The following NKAIN3 variants were observed in gnomAD, a reference collection of about 807,000 sequenced individuals.
NKAIN3 encodes the protein sodium/potassium transporting ATPase interacting 3.
NKAIN3 carries 25 observed loss-of-function variants against 30.2 expected under a neutral mutation model. The ratio of observed to expected loss-of-function variants is 0.83; its 90% confidence interval spans 0.60 to 1.16. NKAIN3 has a LOEUF of 1.16. NKAIN3 is among the 50% of genes most tolerant of loss of function. The pLI is 0.00. For missense variants in NKAIN3, 225 were observed against 254.1 expected (o/e 0.89, Z 0.78); for synonymous variants, 91 against 89.6 (o/e 1.02, Z -0.09).
In NKAIN3 at chr8:62,274,816, A is replaced by C. The variant is rs543719019; in HGVS notation, c.54+25689A>C. Among the ~76,000 whole-genome samples, 760 of 150,432 alleles carry C rather than the reference A, an allele frequency of 5.1e-3. 5 individuals are homozygous for C. Among genetic ancestry groups the C allele is most frequent in the African/African-American group, 0.018 (718 of 40,778 alleles). ...TGTGTCCATGTGTTCTCATTGTTCA[A>C]TTCCCACCTATGAGTGAGAACATGC... On this transcript the variant is annotated intron_variant, in intron 1 of 6. Transcript: ENST00000623646.
At chr8:62,951,739 A>G (rs931754199) in intron 5 of NKAIN3, among the ~76,000 whole-genome samples, 1 of 152,182 alleles carries the variant, frequency 6.6e-6, no homozygotes, top group Non-Finnish European at 1.5e-5. Flanking sequence ...CTGGAATTAC[A>G]GGCATAAGCC....
intron 4 of NKAIN3, among the ~76,000 whole-genome samples, chr8:62,801,784 G>C (rs1563568430): frequency 6.6e-6 from 1 of 152,242 alleles, no homozygotes; most frequent in Non-Finnish European, 1.5e-5. Flanking sequence ...ACTTTGACGA[G>C]TTGAGAGAAG....
At chr8:62,466,787 A>C (rs1270206607) in intron 1 of NKAIN3, among the ~76,000 whole-genome samples, 1 of 152,156 alleles carries the variant, frequency 6.6e-6, no homozygotes, top group Non-Finnish European at 1.5e-5. Context: ...CTTCTTTTGC[A>C]ATCCATAGTT....
chr8:62,996,833 T>C (rs960889012), intron 5 of NKAIN3, among the ~76,000 whole-genome samples: 1 of 152,198 alleles, frequency 6.6e-6, no homozygotes, highest in African/African-American at 2.4e-5. Context: ...ACACCCACGG[T>C]ACGCTGATGC....
intron 1 of NKAIN3, among the ~76,000 whole-genome samples, chr8:62,456,454 G>A (rs1805822231): frequency 6.6e-6 from 1 of 151,962 alleles, no homozygotes; most frequent in Admixed American, 6.5e-5. Flanking sequence ...GTGAGGCAGA[G>A]CTTGTAGTGA....
chr8:62,674,735 G>A (rs1813418621), intron 3 of NKAIN3, among the ~76,000 whole-genome samples: 1 of 152,208 alleles, frequency 6.6e-6, no homozygotes, highest in Non-Finnish European at 1.5e-5. Flanking sequence ...TGTAAATGGG[G>A]AGTGAGCTCA....
chr8:62,253,161 G>A (rs1403511824), intron 1 of NKAIN3, among the ~76,000 whole-genome samples: 1 of 152,106 alleles, frequency 6.6e-6, no homozygotes, highest in African/African-American at 2.4e-5. Flanking sequence ...ATTACTATTA[G>A]ACCTAGGAAT....
intron 4 of NKAIN3, among the ~76,000 whole-genome samples, chr8:62,904,233 A>G (rs962475665): frequency 6.6e-6 from 1 of 152,190 alleles, no homozygotes; most frequent in Non-Finnish European, 1.5e-5. Context: ...CTGCTGTATC[A>G]GTTCAACAGG....
intron 3 of NKAIN3, among the ~76,000 whole-genome samples, chr8:62,696,163 G>A (rs544259131): frequency 2.0e-4 from 30 of 151,980 alleles, no homozygotes; most frequent in African/African-American, 5.8e-4. Context: ...CTGTATTTTC[G>A]TGTCTGAAGT....
chr8:62,807,251 G>C (rs935662125), intron 4 of NKAIN3, among the ~76,000 whole-genome samples: 2 of 152,138 alleles, frequency 1.3e-5, no homozygotes, highest in African/African-American at 4.8e-5. Context: ...TTTCAGGTAT[G>C]TTTTAATAAA....
intron 1 of NKAIN3, among the ~76,000 whole-genome samples, chr8:62,317,974 C>G (rs1814707817): frequency 6.6e-6 from 1 of 152,082 alleles, no homozygotes; most frequent in South Asian, 2.1e-4. Context: ...TTGTAGTTCT[C>G]CTTGAAGAGG....
At chr8:62,415,989 C>T (rs887319557) in intron 1 of NKAIN3, among the ~76,000 whole-genome samples, 1 of 152,066 alleles carries the variant, frequency 6.6e-6, no homozygotes, top group African/African-American at 2.4e-5. Flanking sequence ...ATCTCCTGAC[C>T]TCGTGATCCT....
intron 3 of NKAIN3, among the ~76,000 whole-genome samples, chr8:62,694,982 A>G (rs1183101407): frequency 1.3e-5 from 2 of 152,102 alleles, no homozygotes; most frequent in Admixed American, 1.3e-4. Flanking sequence ...CTCTGTAAAT[A>G]TTGTTCTTTC....
At chr8:62,300,087 G>A (rs1012758962) in intron 1 of NKAIN3, among the ~76,000 whole-genome samples, 1 of 151,980 alleles carries the variant, frequency 6.6e-6, no homozygotes, top group Non-Finnish European at 1.5e-5. Context: ...GTAACAGATC[G>A]ATACTGTTAA....
intron 4 of NKAIN3, among the ~76,000 whole-genome samples, chr8:62,796,618 A>G (rs1817869847): frequency 6.6e-6 from 1 of 152,120 alleles, no homozygotes; most frequent in Non-Finnish European, 1.5e-5. Context: ...TTTTCTCATA[A>G]CAACACTTAA....
intron 4 of NKAIN3, among the ~76,000 whole-genome samples, chr8:62,783,360 T>C (rs12708012): frequency 0.89 from 134,605 of 152,090 alleles, 59,704 homozygotes; most frequent in African/African-American, 0.91. Context: ...TGGAAGAAGA[T>C]CCTCAGCAGA....
At chr8:62,293,829 C>G (rs1049827630) in intron 1 of NKAIN3, among the ~76,000 whole-genome samples, 3 of 152,200 alleles carry the variant, frequency 2.0e-5, no homozygotes, top group Non-Finnish European at 2.9e-5. Context: ...TGCCCTGCCC[C>G]CAGAGGTGGA....
intron 1 of NKAIN3, among the ~76,000 whole-genome samples, chr8:62,413,822 T>C (rs1329296027): frequency 3.3e-5 from 5 of 152,188 alleles, no homozygotes; most frequent in African/African-American, 9.6e-5. Flanking sequence ...ATATAACTTA[T>C]GATTTATTGA....
intron 1 of NKAIN3, among the ~76,000 whole-genome samples, chr8:62,570,759 A>G (rs1298989576): frequency 1.3e-5 from 2 of 152,068 alleles, no homozygotes; most frequent in Non-Finnish European, 2.9e-5. Flanking sequence ...ATCTCATCAC[A>G]TCTTAAAACC....
Sources: allele counts gnomAD v4.1 joint callset (sites outside exome capture counted in the v4.1 genomes callset), GRCh38; gene constraint gnomAD v4.1.1; transcripts MANE v1.5; gene names NCBI Gene and HGNC (gene_info 2026-07-23, HGNC 2026-07-21).